Variants in ETS1 observed in about 807,000 individuals in gnomAD.
ETS1 encodes protein C-ets-1.
In ETS1, 15 loss-of-function variants were observed where a neutral mutation model predicts 58.6. The observed-to-expected ratio is 0.26, with a 90% confidence interval of 0.17 to 0.39. The LOEUF (loss-of-function observed/expected upper bound fraction) is 0.39. Ranked by LOEUF, ETS1 falls within the 10% of genes least tolerant of loss-of-function variation. The probability of loss-of-function intolerance (pLI) is 1.00; values close to 1 mark genes in which losing one functional copy is unlikely to be tolerated. For missense variants in ETS1, 417 were observed against 610.5 expected (o/e 0.68, Z 3.34); for synonymous variants, 214 against 218.2 (o/e 0.98, Z 0.17).
intron 2 of ETS1, among the ~76,000 whole-genome samples, chr11:128,571,501 CAAAAAAAAAAAAAAAAAAAAAAAAAAAA>C (rs563312769): frequency 3.0e-5 from 1 of 32,880 alleles, no homozygotes; most frequent in African/African-American, 1.2e-4. Flanking sequence ...AAGACTCCGT[CAAAAAAAAAAAAAAAAAAAAAAAAAAAA>C]AAAAAAAAAA....
At chr11:128,568,620 A>G (rs1396324391) in intron 2 of ETS1, among the ~76,000 whole-genome samples, 1 of 152,198 alleles carries the variant, frequency 6.6e-6, no homozygotes, top group Non-Finnish European at 1.5e-5. Context: ...GACCTTACGC[A>G]TGGGGAAACC....
intron 8 of ETS1, among the ~76,000 whole-genome samples, chr11:128,473,396 C>T (rs972665118): frequency 1.3e-5 from 2 of 152,224 alleles, no homozygotes; most frequent in African/African-American, 4.8e-5. Context: ...GCTCCAAGTG[C>T]TCTCCATAAA....
chr11:128,544,265 T>C (rs1173102907), intron 3 of ETS1, among the ~76,000 whole-genome samples: 1 of 149,718 alleles, frequency 6.7e-6, no homozygotes, highest in Non-Finnish European at 1.5e-5. Context: ...AACTGTTTCT[T>C]CAACTGCTTT....
In ETS1 at chr11:128,549,010, CG is replaced by C. The variant is rs1565405672; in HGVS notation, c.214+7280del. 7.2e-5 allele frequency among the ~76,000 whole-genome samples: 9 copies of C among 125,138 alleles called. No individual in the cohort carries two copies. The South Asian group carries it at 2.3e-3, about 32-fold the overall frequency. 82.1% of individuals were successfully genotyped at this position (125,138 alleles called of 152,430 possible). A position where few individuals can be genotyped will look rare whatever the true frequency, so the allele number is the denominator to read the frequency against. ...TTGGGAGGATTGCAGGGGAGGAAGGCGGGGTGGGGTTAGGGACCGGGAGGCT... is the reference window on the plus strand; with the variant it reads ...TTGGGAGGATTGCAGGGGAGGAAGGCGGGTGGGGTTAGGGACCGGGAGGCT... On this transcript the variant is annotated intron_variant, in intron 3 of 9. Transcript: ENST00000392668. This position sits in a 1 kb window ranked among gnomAD's most constrained non-coding sequence, Gnocchi z 4.3.
intron 3 of ETS1, among the ~76,000 whole-genome samples, chr11:128,553,277 A>G (rs938783060): frequency 6.6e-6 from 1 of 152,204 alleles, no homozygotes; most frequent in Non-Finnish European, 1.5e-5. Flanking sequence ...TGACTACAAG[A>G]TTGTTGTGAA....
intron 1 of ETS1, among the ~76,000 whole-genome samples, chr11:128,581,678 C>T (rs1358533915): frequency 6.6e-6 from 1 of 152,090 alleles, no homozygotes; most frequent in East Asian, 1.9e-4. Context: ...AGAAGGGCCA[C>T]GAGATTAAAA....
chr11:128,567,611 GT>G (rs1264796683), intron 2 of ETS1, among the ~76,000 whole-genome samples: 1 of 147,510 alleles, frequency 6.8e-6, no homozygotes, highest in Non-Finnish European at 1.5e-5. Context: ...TGTTTTTTGG[GT>G]TTTGTTTTTG....
At chr11:128,540,530 A>G (rs192410540) in intron 3 of ETS1, among the ~76,000 whole-genome samples, 463 of 152,258 alleles carry the variant, frequency 3.0e-3, no homozygotes, top group African/African-American at 0.01. Context: ...AGACAAAAAA[A>G]GAGGGAGAAT....
At chr11:128,481,611 G>A (rs1416698454) in intron 7 of ETS1, among the ~76,000 whole-genome samples, 1 of 152,154 alleles carries the variant, frequency 6.6e-6, no homozygotes, top group African/African-American at 2.4e-5. Context: ...AAATGTTTAC[G>A]GAGAAATATC....
rs181481765 is a variant in ETS1, at chr11:128,559,513, T to C, written c.70-3078A>G. ...TTTTTATTTTATAAATGAAACCCTC[T>C]GTATATTTTTAAGGCATAGTTCCTC... is the stretch of plus-strand genomic sequence containing the variant. On this transcript the variant is annotated intron_variant, in intron 2 of 9. Coordinates refer to ENST00000392668, the MANE Select transcript of ETS1 (RefSeq NM_001143820.2). 4.6e-5 allele frequency among the ~76,000 whole-genome samples: 7 copies of C among 152,330 alleles called. No homozygotes were observed. In the East Asian group the frequency reaches 1.3e-3, roughly 29 times the overall value.
intron 8 of ETS1, among the ~76,000 whole-genome samples, chr11:128,478,447 GAGGGAGGGAGGA>G (rs1400359499): frequency 1.4e-5 from 1 of 70,902 alleles, no homozygotes; most frequent in African/African-American, 9.2e-5. Context: ...GGGAGGGAGA[GAGGGAGGGAGGA>G]AGGAAGGAAG....
chr11:128,511,680 A>G (rs1863396311), intron 3 of ETS1, among the ~76,000 whole-genome samples: 1 of 152,230 alleles, frequency 6.6e-6, no homozygotes, highest in South Asian at 2.1e-4. Flanking sequence ...TGCCTTGTTG[A>G]CACTTTGATC....
intron 3 of ETS1, among the ~76,000 whole-genome samples, chr11:128,555,112 G>A (rs1488350804): frequency 1.3e-5 from 2 of 152,136 alleles, no homozygotes; most frequent in African/African-American, 4.8e-5. Context: ...TGAGTCAAGG[G>A]AACATGGGAC....
chr11:128,474,665 G>A (rs1213584370), intron 8 of ETS1, among the ~76,000 whole-genome samples: 4 of 152,166 alleles, frequency 2.6e-5, no homozygotes, highest in African/African-American at 9.7e-5. Flanking sequence ...GTCCACGCCA[G>A]GCACCCCTTT....
At chr11:128,576,812 C>G (rs1262828041) in intron 1 of ETS1, among the ~76,000 whole-genome samples, 1 of 152,012 alleles carries the variant, frequency 6.6e-6, no homozygotes, top group Non-Finnish European at 1.5e-5. Context: ...CTCATGTTAC[C>G]CCCTCTGCTA....
At chr11:128,580,587 G>A (rs1407444264) in intron 1 of ETS1, among the ~76,000 whole-genome samples, 1 of 152,196 alleles carries the variant, frequency 6.6e-6, no homozygotes, top group Non-Finnish European at 1.5e-5. Context: ...AAATCTACAA[G>A]AACCTCATTT....
At chr11:128,570,084 G>C (rs753554958) in intron 2 of ETS1, among the ~76,000 whole-genome samples, 3 of 152,038 alleles carry the variant, frequency 2.0e-5, no homozygotes, top group Non-Finnish European at 4.4e-5. Context: ...TTTGGTTTGG[G>C]ATTTTTTTAT....
Position 128,551,636 on chromosome 11 carries a change from T to C in ETS1, c.214+4655A>G, listed in dbSNP as rs535933579. 4.9e-4 allele frequency among the ~76,000 whole-genome samples: 75 copies of C among 152,310 alleles called. 1 individual carries two copies. In the Middle Eastern group the frequency reaches 0.014, roughly 28 times the overall value. ...ACACACACACTTGCATAGAAGTTGT[T>C]TTAAAGGAGAACTGAGGCTTCCCCT... On this transcript the variant is annotated intron_variant, in intron 3 of 9. Coordinates refer to ENST00000392668, the MANE Select transcript of ETS1 (RefSeq NM_001143820.2).
At chr11:128,558,205 C>T (rs1864344605) in intron 2 of ETS1, among the ~76,000 whole-genome samples, 1 of 152,134 alleles carries the variant, frequency 6.6e-6, no homozygotes, top group African/African-American at 2.4e-5. Flanking sequence ...TGTGTTGCAT[C>T]GAAGGCTAAC....
Sources: gnomAD v4.1 joint callset for allele counts (sites outside exome capture counted in the v4.1 genomes callset) on GRCh38, gnomAD v4.1.1 for gene constraint, Gnocchi (gnomAD v3.1) non-coding constraint, MANE v1.5 for transcripts, NCBI Gene and HGNC (gene_info 2026-07-23, HGNC 2026-07-21) for gene names.